The following CNOT7 variants were observed in gnomAD, a reference collection of about 807,000 sequenced individuals.
The protein encoded by CNOT7 is CCR4-NOT transcription complex subunit 7, also known as BTG1-binding factor 1.
In CNOT7, 4 loss-of-function variants were observed where a neutral mutation model predicts 37.1. That is an observed-to-expected ratio of 0.11 (90% CI 0.05 to 0.25). The LOEUF (loss-of-function observed/expected upper bound fraction) is 0.25, where lower values mean the gene tolerates loss of function less well. Ranked by LOEUF, CNOT7 falls within the 10% of genes least tolerant of loss-of-function variation. The pLI is 1.00. For missense variants in CNOT7, 170 were observed against 336.2 expected, an observed-to-expected ratio of 0.51 and a Z score of 3.87; for synonymous variants, 128 against 115.6, an observed-to-expected ratio of 1.11 and a Z score of -0.69.
chr8:17,232,951 G>A (rs143045101), intron 5 of CNOT7, among the ~76,000 whole-genome samples: 111 of 152,156 alleles, frequency 7.3e-4, no homozygotes, highest in Non-Finnish European at 1.2e-3. Context: ...CCATCCATTT[G>A]TAGTTTTCAC....
chr8:17,243,227 A>C, intron 2 of CNOT7, 42 bp from the exon 3 acceptor site: 1 of 1,464,438 alleles, frequency 6.8e-7, no homozygotes, highest in South Asian at 1.3e-5. Context: ...TAAACAGTCA[A>C]AACTACAATC....
At position 17,232,457 on chromosome 8, in the gene CNOT7, G is replaced by A. The variant is rs1808762037; in HGVS notation, c.699C>T (p.Leu233=). 2 of 1,613,910 alleles carry A rather than the reference G, an allele frequency of 1.2e-6. No homozygotes were observed. The highest frequency in any genetic ancestry group is 2.2e-5 in the South Asian group (2 of 91,084). ...TCATTTTGAAAAAGGCCATTCCTGTGAGCAATGAATCAGATCCTGCCTGAT... is the reference window on the plus strand; with the variant it reads ...TCATTTTGAAAAAGGCCATTCCTGTAAGCAATGAATCAGATCCTGCCTGAT... ...PQHQAGSDSL[L]TGMAFFKMRE... Residue 233 remains leucine (L), a synonymous_variant, in exon 6 of 7, where the codon CTC becomes CTT. Coordinates refer to ENST00000361272, the MANE Select transcript of CNOT7 (RefSeq NM_013354.7).
rs549247955 is a variant in CNOT7, at chr8:17,244,773, A to T, written c.117+263T>A. 20 of 342,914 alleles carry T rather than the reference A, an allele frequency of 5.8e-5. 1 individual carries two copies. In the South Asian group the frequency reaches 7.2e-4, roughly 12 times the overall value. 21.2% of individuals were successfully genotyped at this position (342,914 alleles called of 1,614,324 possible). ...CCTAAGACCACCTGACACGAGCCCA[A>T]ATCCTTCCTAACTCTTATTCAAACG... On this transcript the variant is annotated intron_variant, in intron 2 of 6. Transcript: ENST00000361272.
chr8:17,244,453 C>G (rs1360691122), intron 2 of CNOT7: 1 of 150,406 alleles, frequency 6.6e-6, no homozygotes, highest in African/African-American at 2.4e-5. Context: ...AGGAGCAGAC[C>G]TGGCACTCAT....
chr8:17,245,931 T>C (rs543029430), intron 1 of CNOT7: 3 of 151,606 alleles, frequency 2.0e-5, no homozygotes, highest in Non-Finnish European at 4.4e-5. Context: ...TTCAAATCCT[T>C]CTGCATTTTT....
At chr8:17,242,839 A>G (rs1445375523) in intron 3 of CNOT7, 153 bp downstream of exon 3, 1 of 471,002 alleles carries the variant, frequency 2.1e-6, no homozygotes, top group East Asian at 3.5e-5. Flanking sequence ...ATAGTAAAAA[A>G]GAAAACCACG....
chr8:17,246,628 C>A, intron 1 of CNOT7, 47 bp downstream of exon 1: 1 of 157,788 alleles, frequency 6.3e-6, no homozygotes, highest in South Asian at 1.5e-4. Context: ...TTCTACTTCC[C>A]TAACCCGCCC....
In CNOT7 at chr8:17,234,796, C is replaced by T. The variant is rs774008173; in HGVS notation, c.538G>A (p.Asp180Asn). ...TNSNLPEEEL[D>N]FFEILRLFFP... ...AACAATCGAAGGATCTCAAAGAAGT[C>T]AAGTTCTTCTTCAGGCAAGTTAGAG... Residue 180 changes from aspartate to asparagine, a missense_variant, in exon 5 of 7, where the codon GAC becomes AAC. This residue lies in a region of CNOT7 where 68 missense variants were observed against 151.1 expected (regional missense o/e 0.45). Transcript: ENST00000361272. 1 of 1,613,570 alleles carries T rather than the reference C, an allele frequency of 6.2e-7. No individual in the cohort carries two copies. The highest frequency in any genetic ancestry group is 1.1e-5 in the South Asian group (1 of 91,064).
Position 17,225,532 on chromosome 8 carries a change from A to G in CNOT7, c.*5188T>C, listed in dbSNP as rs1414698462. 1 of 151,740 alleles carries G rather than the reference A, an allele frequency of 6.6e-6. No individual in the cohort carries two copies. Among genetic ancestry groups the G allele is most frequent in the Non-Finnish European group, 1.5e-5 (1 of 67,690 alleles). The allele number at this position is 151,740 out of a possible 1,614,324, so 9.4% of individuals were successfully genotyped here. ...TCAATTGCTTTTATACTAAACGTTAAATGTAACTAATGCTGTAGAAAACTG... is the reference window on the plus strand; with the variant it reads ...TCAATTGCTTTTATACTAAACGTTAGATGTAACTAATGCTGTAGAAAACTG... On this transcript the variant is annotated 3_prime_UTR_variant, in exon 7 of 7. Transcript: ENST00000361272.
intron 6 of CNOT7, chr8:17,232,138 CT>C: frequency 9.2e-7 from 1 of 1,090,520 alleles, no homozygotes; most frequent in Non-Finnish European, 1.2e-6. Context: ...AGTTATTAGC[CT>C]GTTTTCTCAC....
At chr8:17,246,458 C>G (rs1453362759) in intron 1 of CNOT7, 2 of 153,014 alleles carry the variant, frequency 1.3e-5, no homozygotes, top group Non-Finnish European at 2.9e-5. Context: ...TGCGAAGCCC[C>G]AGGTACAAAG....
chr8:17,234,557 T>A (rs1400966664), intron 5 of CNOT7, 159 bp downstream of exon 5: 3 of 738,642 alleles, frequency 4.1e-6, no homozygotes, highest in Non-Finnish European at 6.7e-6. Context: ...CCCTACAAAT[T>A]ATGTATGCAA....
chr8:17,232,569 G>GA, intron 5 of CNOT7, 32 bp from the exon 6 acceptor site: 1 of 1,592,634 alleles, frequency 6.3e-7, no homozygotes, highest in Non-Finnish European at 8.5e-7. Flanking sequence ...TTGTCAAGAA[G>GA]AAAAATCTTA....
At position 17,231,129 on chromosome 8, in the gene CNOT7, A is replaced by G. The variant is rs564536758; in HGVS notation, c.730-281T>C. ...TATAAGAATTTTTCATCATGGAAAA[A>G]TAACTATTCCATTAATTTAACAATA... On this transcript the variant is annotated intron_variant, in intron 6 of 6. Coordinates refer to ENST00000361272, the MANE Select transcript of CNOT7 (RefSeq NM_013354.7). 2.2e-4 allele frequency among the ~76,000 whole-genome samples: 33 copies of G among 152,274 alleles called. No homozygotes were observed. In the South Asian group the frequency reaches 3.1e-3, roughly 14 times the overall value.
intron 6 of CNOT7, 49 bp downstream of exon 6, chr8:17,232,378 G>A: frequency 6.2e-7 from 1 of 1,612,748 alleles, no homozygotes. Flanking sequence ...GATTTTTAAT[G>A]TTCTCAACCT....
chr8:17,240,253 C>G lies in CNOT7; in HGVS notation c.311+2739G>C, dbSNP rs2150995891. 1.3e-5 allele frequency among the ~76,000 whole-genome samples: 2 copies of G among 152,328 alleles called. 1 individual carries two copies. The highest frequency in any genetic ancestry group is 6.8e-3 in the Middle Eastern group (2 of 294). ...AACATCTCCTAACATCAGTGTAAAT[C>G]AAGCTTGTCCAACCTGCAGCCAGTG... On this transcript the variant is annotated intron_variant, in intron 3 of 6. Transcript: ENST00000361272.
chr8:17,244,852 A>C (rs978340852), intron 2 of CNOT7, 184 bp downstream of exon 2: 14 of 561,170 alleles, frequency 2.5e-5, no homozygotes, highest in African/African-American at 2.1e-4. Context: ...ATGAGGGATA[A>C]ACCCAACCTG....
chr8:17,233,881 C>T (rs1238957483), intron 5 of CNOT7, among the ~76,000 whole-genome samples: 1 of 152,132 alleles, frequency 6.6e-6, no homozygotes. Flanking sequence ...GGTAAAACCC[C>T]GACTCTACTA....
Position 17,228,418 on chromosome 8 carries a change from A to G in CNOT7, c.*2302T>C, listed in dbSNP as rs973194798. 3.3e-5 allele frequency: 5 copies of G among 152,002 alleles called. No individual in the cohort carries two copies. Among genetic ancestry groups the G allele is most frequent in the East Asian group, 1.9e-4 (1 of 5,198 alleles). 9.4% of individuals were successfully genotyped at this position (152,002 alleles called of 1,614,324 possible). A position where few individuals can be genotyped will look rare whatever the true frequency, so the allele number is the denominator to read the frequency against. On this transcript the variant is annotated 3_prime_UTR_variant, in exon 7 of 7. Transcript: ENST00000361272. Reference sequence around the variant, plus strand: ...AATGTTCCTCTACAAAAGTTACACTATACGGTTGCTCAACCTACAATGAGG... The same window carrying G: ...AATGTTCCTCTACAAAAGTTACACTGTACGGTTGCTCAACCTACAATGAGG...
Sources: allele counts gnomAD v4.1 joint callset (sites outside exome capture counted in the v4.1 genomes callset), GRCh38; gene constraint gnomAD v4.1.1; regional missense constraint gnomAD v4.1.1; transcripts MANE v1.5; gene names NCBI Gene and HGNC (gene_info 2026-07-23, HGNC 2026-07-21).